Variants in SPTB observed in about 807,000 individuals in gnomAD.
SPTB encodes the protein spectrin beta, erythrocytic.
A neutral mutation model predicts 256.2 loss-of-function variants in SPTB; 45 were observed. That is an observed-to-expected ratio of 0.18 (90% CI 0.14 to 0.23). SPTB has a LOEUF of 0.23. Ranked by LOEUF, SPTB falls within the 10% of genes least tolerant of loss-of-function variation. The pLI is 1.00. For synonymous variants in SPTB, 1,231 were observed against 1,243.1 expected, an observed-to-expected ratio of 0.99 and a Z score of 0.21; for missense variants, 2,715 against 3,040.4, an observed-to-expected ratio of 0.89 and a Z score of 2.52.
At position 64,786,477 on chromosome 14, in the gene SPTB, G is replaced by T. The variant is rs377560569; in HGVS notation, c.3488C>A (p.Thr1163Asn). ...CTGGAAGCCAAGGCACTGAGCGAGG[G>T]TGTGGCTGCGGCTCTCCCACATCCT... is the stretch of plus-strand genomic sequence containing the variant. Reference protein sequence around the residue: ...LGRMWESRSHTLAQCLGFQEF... With the variant: ...LGRMWESRSHNLAQCLGFQEF... Residue 1163 changes from threonine (T) to asparagine (N), a missense_variant, in exon 16 of 36, where the codon ACC (threonine) becomes AAC (asparagine). Thr to Asn is a moderately conservative substitution (Grantham distance 65, BLOSUM62 0). This residue lies in a region of SPTB where 2,239 missense variants were observed against 2,384.4 expected (regional missense o/e 0.94). Coordinates refer to ENST00000644917, the MANE Select transcript of SPTB (RefSeq NM_001355436.2). The surrounding 1 kb of genome is among the most constrained non-coding windows in gnomAD (Gnocchi z 5.6). The T allele has an allele frequency of 4.3e-6, 7 of 1,614,024 alleles. No homozygotes were observed. The East Asian group carries it at 1.6e-4, about 36-fold the overall frequency.
At position 64,753,623 on chromosome 14, in the gene SPTB, C is replaced by T. The variant is rs750379513; in HGVS notation, c.6516G>A (p.Pro2172=). 4.3e-5 allele frequency: 69 copies of T among 1,613,564 alleles called. 1 individual carries two copies. Among genetic ancestry groups the T allele is most frequent in the Middle Eastern group, 1.6e-4 (1 of 6,084 alleles). ...EGDEPATLPA[P]RDHGQSVQME... ...TCTGCACACTCTGCCCATGGTCCCG[C>T]GGGGCCGGCAGCGTTGCGGGCTCAT... is the stretch of plus-strand genomic sequence containing the variant. The change falls in exon 33 of 36, where the codon CCG becomes CCA. Residue 2172 remains proline, a synonymous_variant. Coordinates refer to ENST00000644917, the MANE Select transcript of SPTB (RefSeq NM_001355436.2).
chr14:64,765,041 T>TGTGTGTGTGTGC (rs570414192), intron 32 of SPTB, among the ~76,000 whole-genome samples: 1 of 116,988 alleles, frequency 8.5e-6, no homozygotes, highest in African/African-American at 3.4e-5. Context: ...TGTGTGTGTG[T>TGTGTGTGTGTGC]GCGCGCGCGC....
Position 64,749,918 on chromosome 14 carries a change from G to A in SPTB, c.6776+63C>T, listed in dbSNP as rs2081918026. On this transcript the variant is annotated intron_variant, in intron 34 of 35. Transcript: ENST00000644917. This position sits in a 1 kb window ranked among gnomAD's most constrained non-coding sequence, Gnocchi z 4.7. Reference sequence around the variant, plus strand: ...CACTGGTCCCCTACAGAGGGCCTCTGCCCTGCCACTAATGCCAAATCAAGC... The same window carrying A: ...CACTGGTCCCCTACAGAGGGCCTCTACCCTGCCACTAATGCCAAATCAAGC... 6.2e-7 allele frequency: 1 copy of A among 1,607,576 alleles called. No individual in the cohort carries two copies. The highest frequency in any genetic ancestry group is 1.3e-5 in the African/African-American group (1 of 74,942).
At chr14:64,829,685 T>C (rs771841676) in intron 1 of SPTB, among the ~76,000 whole-genome samples, 2 of 152,236 alleles carry the variant, frequency 1.3e-5, no homozygotes, top group Non-Finnish European at 2.9e-5. Context: ...TCTATTCTAC[T>C]TTTATACACG....
chr14:64,757,938 G>A (rs1214179190), intron 32 of SPTB, among the ~76,000 whole-genome samples: 1 of 152,146 alleles, frequency 6.6e-6, no homozygotes, highest in Non-Finnish European at 1.5e-5. Context: ...ACAGCAGAGG[G>A]CCTCCTGAGA....
At chr14:64,776,025 C>T (rs2082351272) in intron 22 of SPTB, among the ~76,000 whole-genome samples, 1 of 152,182 alleles carries the variant, frequency 6.6e-6, no homozygotes, top group Non-Finnish European at 1.5e-5. Flanking sequence ...ACAGCCTCTT[C>T]CTCCCACCCT....
At chr14:64,757,809 G>C (rs558026313) in intron 32 of SPTB, among the ~76,000 whole-genome samples, 2 of 152,192 alleles carry the variant, frequency 1.3e-5, no homozygotes, top group Non-Finnish European at 2.9e-5. Context: ...AGGCACTGGG[G>C]TGAGGGAGTA....
At chr14:64,773,159 C>T (rs92070) in intron 25 of SPTB, 61 bp downstream of exon 25, 237,522 of 1,602,952 alleles carry the variant, frequency 0.15, 20,662 homozygotes, top group East Asian at 0.44. Context: ...TCTTGAGTGA[C>T]GGCTGGCTGC....
rs534082015 is a variant in SPTB at position 64,852,748 on chromosome 14, C to T, written c.-52+27044G>A. 4.2e-4 allele frequency among the ~76,000 whole-genome samples: 64 copies of T among 152,030 alleles called. No individual in the cohort carries two copies. The highest frequency in any genetic ancestry group is 5.8e-4 in the East Asian group (3 of 5,186). ...ATTACAAGACAAGGAGGAAGTTTAGCGGGGATAAAGGATGAGTTCAATGGG... is the reference window on the plus strand; with the variant it reads ...ATTACAAGACAAGGAGGAAGTTTAGTGGGGATAAAGGATGAGTTCAATGGG... On this transcript the variant is annotated intron_variant, in intron 1 of 35. Coordinates refer to ENST00000644917, the MANE Select transcript of SPTB (RefSeq NM_001355436.2). The surrounding 1 kb of genome is among the most constrained non-coding windows in gnomAD (Gnocchi z 4.2).
At chr14:64,834,006 C>T (rs1008310222) in intron 1 of SPTB, among the ~76,000 whole-genome samples, 1 of 152,062 alleles carries the variant, frequency 6.6e-6, no homozygotes, top group African/African-American at 2.4e-5. Flanking sequence ...CTCCTTCTGC[C>T]TCAACCACAC....
At chr14:64,877,630 C>T (rs1882888566) in intron 1 of SPTB, among the ~76,000 whole-genome samples, 1 of 152,162 alleles carries the variant, frequency 6.6e-6, no homozygotes, top group Admixed American at 6.5e-5. Flanking sequence ...ATTCATTCAA[C>T]AAAGGTTAAC....
intron 27 of SPTB, 93 bp from the exon 28 acceptor site, chr14:64,769,821 G>T: frequency 6.4e-7 from 1 of 1,567,772 alleles, no homozygotes; most frequent in Non-Finnish European, 8.8e-7. Context: ...CCCCCTGCCT[G>T]TGGGAGTGTG....
intron 2 of SPTB, among the ~76,000 whole-genome samples, chr14:64,809,587 C>T (rs1029859209): frequency 1.3e-5 from 2 of 152,108 alleles, no homozygotes; most frequent in Non-Finnish European, 2.9e-5. Context: ...CCTCGTGATC[C>T]ACCCACCTTG....
At chr14:64,815,983 G>T (rs553771668) in intron 2 of SPTB, among the ~76,000 whole-genome samples, 9 of 152,282 alleles carry the variant, frequency 5.9e-5, no homozygotes, top group South Asian at 2.1e-4. Flanking sequence ...CCTCACCTAT[G>T]GGTAACAAGC....
intron 30 of SPTB, 98 bp from the exon 31 acceptor site, chr14:64,767,450 C>T: frequency 6.5e-7 from 1 of 1,527,588 alleles, no homozygotes. Flanking sequence ...CCCCACATGC[C>T]CTGACACTTG....
At chr14:64,822,405 G>GCAAGAGAGAGGGTGGGGGTGGAGAAT (rs1410835601) in intron 2 of SPTB, among the ~76,000 whole-genome samples, 1 of 10,294 alleles carries the variant, frequency 9.7e-5, no homozygotes. Flanking sequence ...CACACACAGA[G>GCAAGAGAGAGGGTGGGGGTGGAGAAT]AGATCTATTA....
At chr14:64,776,300 A>G (rs2082354666) in intron 22 of SPTB, among the ~76,000 whole-genome samples, 2 of 152,190 alleles carry the variant, frequency 1.3e-5, no homozygotes, top group Admixed American at 1.3e-4. Flanking sequence ...TAACCTGCTG[A>G]AATGCATTTT....
In SPTB at chr14:64,835,331, C is replaced by A. The variant is rs550295173; in HGVS notation, c.-51-12186G>T. 3.3e-5 allele frequency among the ~76,000 whole-genome samples: 5 copies of A among 152,286 alleles called. No homozygotes were observed. In the East Asian group the frequency reaches 9.6e-4, roughly 29 times the overall value. ...TGGTGCAATCTCTGCTCACTGAAAC[C>A]TCCGCCTCTTGGGTTCAAACAATTC... On this transcript the variant is annotated intron_variant, in intron 1 of 35. Coordinates refer to ENST00000644917, the MANE Select transcript of SPTB (RefSeq NM_001355436.2).
intron 32 of SPTB, among the ~76,000 whole-genome samples, chr14:64,765,133 C>A (rs1055961315): frequency 9.2e-5 from 14 of 152,054 alleles, no homozygotes; most frequent in African/African-American, 3.4e-4. Context: ...GGAGGCCTCA[C>A]TATCTGTATA....
Sources: allele counts gnomAD v4.1 joint callset (sites outside exome capture counted in the v4.1 genomes callset), GRCh38; gene constraint gnomAD v4.1.1; regional missense constraint gnomAD v4.1.1; non-coding constraint Gnocchi (gnomAD v3.1); transcripts MANE v1.5; gene names NCBI Gene and HGNC (gene_info 2026-07-23, HGNC 2026-07-21).